ZBTB20: variants seen among roughly 807,000 people sequenced by gnomAD.
ZBTB20 encodes the protein zinc finger and BTB domain containing 20, also known as zinc finger and BTB domain-containing protein 20.
ZBTB20 carries 9 observed loss-of-function variants against 56.9 expected under a neutral mutation model. That is an observed-to-expected ratio of 0.16 (90% CI 0.10 to 0.28). The LOEUF is 0.28. Among genes scored for constraint, ZBTB20 ranks in the 10% least tolerant of loss-of-function variants. The pLI, the probability that ZBTB20 is intolerant of heterozygous loss-of-function variation, is 1.00. For synonymous variants in ZBTB20, 417 were observed against 420.7 expected (o/e 0.99, Z 0.11); for missense variants, 655 against 1,003.0 (o/e 0.65, Z 4.69).
At chr3:114,752,101 A>C (rs2067607414) in intron 5 of ZBTB20, among the ~76,000 whole-genome samples, 1 of 152,176 alleles carries the variant, frequency 6.6e-6, no homozygotes, top group South Asian at 2.1e-4. Flanking sequence ...TTATCTTATT[A>C]ATTTCTCAAA....
intron 7 of ZBTB20, among the ~76,000 whole-genome samples, chr3:114,416,457 G>A (rs971982974): frequency 1.1e-4 from 16 of 152,012 alleles, no homozygotes; most frequent in African/African-American, 3.6e-4. Context: ...CAACATACAG[G>A]GTTTTGTTTT....
At chr3:114,558,755 T>G (rs1017468761) in intron 6 of ZBTB20, among the ~76,000 whole-genome samples, 2 of 152,090 alleles carry the variant, frequency 1.3e-5, no homozygotes, top group Non-Finnish European at 2.9e-5. Context: ...AGAATAAAAT[T>G]CAAACTTCTC....
chr3:115,104,664 A>T (rs879420729), intron 1 of ZBTB20, among the ~76,000 whole-genome samples: 3 of 152,194 alleles, frequency 2.0e-5, no homozygotes, highest in Non-Finnish European at 4.4e-5. Flanking sequence ...TGAAAAGGCA[A>T]AACCATGGAG....
chr3:114,639,053 C>T (rs1249852289), intron 6 of ZBTB20, among the ~76,000 whole-genome samples: 2 of 152,064 alleles, frequency 1.3e-5, no homozygotes, highest in Non-Finnish European at 2.9e-5. Context: ...GGCTCCTTAG[C>T]ATGCTCATTA....
At chr3:115,045,501 T>C (rs2081301078) in intron 2 of ZBTB20, among the ~76,000 whole-genome samples, 1 of 151,936 alleles carries the variant, frequency 6.6e-6, no homozygotes. Flanking sequence ...CTACAATTAA[T>C]TTATTAGAAG....
intron 2 of ZBTB20, among the ~76,000 whole-genome samples, chr3:115,055,196 T>TCTCTCTCTCTCTCTCTCC: frequency 7.2e-6 from 1 of 138,840 alleles, no homozygotes; most frequent in African/African-American, 2.7e-5. Flanking sequence ...AATCTCTCTC[T>TCTCTCTCTCTCTCTCTCC]CTCTCTCTCT....
chr3:114,641,087 C>A (rs1438716455), intron 6 of ZBTB20, among the ~76,000 whole-genome samples: 1 of 151,872 alleles, frequency 6.6e-6, no homozygotes, highest in African/African-American at 2.4e-5. Context: ...TTTTAAAAAC[C>A]AGAAGGGAAA....
chr3:115,037,537 G>A (rs575196355), intron 2 of ZBTB20, among the ~76,000 whole-genome samples: 63 of 152,206 alleles, frequency 4.1e-4, no homozygotes, highest in African/African-American at 1.4e-3. Context: ...CGCCAGCCTC[G>A]ACCTCCCAAA....
At chr3:114,374,431 T>C (rs991986623) in intron 10 of ZBTB20, among the ~76,000 whole-genome samples, 1 of 152,244 alleles carries the variant, frequency 6.6e-6, no homozygotes, top group South Asian at 2.1e-4. Context: ...CTGTCTGTGG[T>C]TGTTATTCCA....
intron 3 of ZBTB20, chr3:114,900,561 C>T (rs2075076336): frequency 6.6e-6 from 1 of 150,476 alleles, no homozygotes; most frequent in Non-Finnish European, 1.5e-5. Context: ...AGTCCCTTAG[C>T]AGTGTATCAT....
intron 2 of ZBTB20, among the ~76,000 whole-genome samples, chr3:115,067,417 C>A (rs1043820359): frequency 3.3e-5 from 5 of 151,820 alleles, no homozygotes; most frequent in Non-Finnish European, 2.9e-5. Flanking sequence ...TATATACACA[C>A]ATTTTTCTGC....
chr3:114,795,836 T>C (rs2071307257), intron 5 of ZBTB20, among the ~76,000 whole-genome samples: 1 of 152,106 alleles, frequency 6.6e-6, no homozygotes, highest in Admixed American at 6.6e-5. Context: ...TTAAATATAG[T>C]TGAATAATGA....
intron 5 of ZBTB20, among the ~76,000 whole-genome samples, chr3:114,694,650 C>T (rs184885601): frequency 8.0e-4 from 122 of 151,988 alleles, no homozygotes; most frequent in Non-Finnish European, 1.6e-3. Flanking sequence ...ATTCAAAGGA[C>T]CCTGTGGCAG....
intron 1 of ZBTB20, among the ~76,000 whole-genome samples, chr3:115,111,079 T>C (rs1256445738): frequency 6.6e-6 from 1 of 151,836 alleles, no homozygotes; most frequent in African/African-American, 2.4e-5. Flanking sequence ...ATGTTAAATG[T>C]CCACACATTT....
chr3:114,460,902 T>C (rs2092299173), intron 7 of ZBTB20, among the ~76,000 whole-genome samples: 1 of 152,138 alleles, frequency 6.6e-6, no homozygotes, highest in African/African-American at 2.4e-5. Flanking sequence ...TTCAGAAAAA[T>C]ATTGACTAGG....
chr3:115,025,139 TATGTGTTC>T (rs1208822992), intron 2 of ZBTB20, among the ~76,000 whole-genome samples: 1 of 151,202 alleles, frequency 6.6e-6, no homozygotes, highest in Non-Finnish European at 1.5e-5. Context: ...TGTTCCCCTC[TATGTGTTC>T]ATGTGTTCTC....
At chr3:114,778,126 A>G (rs1419750166) in intron 5 of ZBTB20, among the ~76,000 whole-genome samples, 3 of 147,512 alleles carry the variant, frequency 2.0e-5, no homozygotes, top group Non-Finnish European at 3.0e-5. Context: ...GGATAGCATT[A>G]GGAGATATAC....
chr3:115,112,046 T>C (rs975129437), intron 1 of ZBTB20, among the ~76,000 whole-genome samples: 1 of 152,192 alleles, frequency 6.6e-6, no homozygotes, highest in Non-Finnish European at 1.5e-5. Flanking sequence ...TTTAAAACTT[T>C]GCACAGATCA....
chr3:114,933,596 G>A (rs925553686), intron 3 of ZBTB20, among the ~76,000 whole-genome samples: 3 of 152,158 alleles, frequency 2.0e-5, no homozygotes, highest in South Asian at 2.1e-4. Flanking sequence ...GGTGAGTGGT[G>A]GAAGGAAACA....
Sources: allele counts gnomAD v4.1 joint callset (sites outside exome capture counted in the v4.1 genomes callset), GRCh38; gene constraint gnomAD v4.1.1; transcripts MANE v1.5; gene names NCBI Gene and HGNC (gene_info 2026-07-23, HGNC 2026-07-21).